STK39: variants seen among roughly 807,000 people sequenced by gnomAD.
The protein encoded by STK39 is serine/threonine kinase 39, also known as STE20/SPS1-related proline-alanine-rich protein kinase.
In STK39, 20 loss-of-function variants were observed where a neutral mutation model predicts 77.8. That is an observed-to-expected ratio of 0.26 (90% CI 0.18 to 0.37). The LOEUF (loss-of-function observed/expected upper bound fraction) is 0.37. Among genes scored for constraint, STK39 ranks in the 10% least tolerant of loss-of-function variants. The pLI is 1.00. For missense variants in STK39, 479 were observed against 656.5 expected, an observed-to-expected ratio of 0.73 and a Z score of 2.95; for synonymous variants, 246 against 234.1, an observed-to-expected ratio of 1.05 and a Z score of -0.47.
chr2:167,959,866 G>A (rs1224339521), intron 17 of STK39, among the ~76,000 whole-genome samples: 1 of 152,012 alleles, frequency 6.6e-6, no homozygotes, highest in Non-Finnish European at 1.5e-5. Flanking sequence ...TACCCACCAC[G>A]GCTTTACACC....
intron 2 of STK39, among the ~76,000 whole-genome samples, chr2:168,178,450 A>C (rs1689006272): frequency 6.6e-6 from 1 of 152,236 alleles, no homozygotes; most frequent in East Asian, 1.9e-4. Flanking sequence ...GAGTGTTCTA[A>C]TCTAATTGCT....
intron 10 of STK39, among the ~76,000 whole-genome samples, chr2:168,104,934 C>G (rs1217374366): frequency 1.3e-5 from 2 of 152,154 alleles, no homozygotes; most frequent in East Asian, 3.8e-4. Context: ...TATAGTATAT[C>G]CTACCCAGTA....
intron 16 of STK39, among the ~76,000 whole-genome samples, chr2:168,009,216 G>T (rs767281836): frequency 7.2e-5 from 11 of 152,034 alleles, no homozygotes; most frequent in Non-Finnish European, 1.5e-4. Flanking sequence ...GAAGATAAGA[G>T]AAATAAAAAC....
intron 16 of STK39, among the ~76,000 whole-genome samples, chr2:167,972,696 C>A (rs146921543): frequency 6.6e-6 from 1 of 152,146 alleles, no homozygotes; most frequent in South Asian, 2.1e-4. Flanking sequence ...TGTAAAAAGG[C>A]GCTATAGTTG....
intron 4 of STK39, among the ~76,000 whole-genome samples, chr2:168,162,286 CAAAAAAAAAAAAAAAAAA>C (rs5836174): frequency 3.5e-5 from 3 of 85,696 alleles, no homozygotes; most frequent in Non-Finnish European, 7.2e-5. Flanking sequence ...AACTTGGTCT[CAAAAAAAAAAAAAAAAAA>C]AAAAAAAAGG....
intron 1 of STK39, among the ~76,000 whole-genome samples, chr2:168,234,015 T>C (rs1323132136): frequency 2.6e-5 from 4 of 152,218 alleles, no homozygotes; most frequent in Non-Finnish European, 5.9e-5. Flanking sequence ...AGAATACTCT[T>C]CTTCTGAAGA....
At chr2:168,058,917 C>T (rs1221031417) in intron 14 of STK39, among the ~76,000 whole-genome samples, 1 of 152,204 alleles carries the variant, frequency 6.6e-6, no homozygotes, top group Non-Finnish European at 1.5e-5. Context: ...TGCTCACAGG[C>T]CTCCTGGTTT....
At chr2:168,200,929 T>C (rs1260839759) in intron 1 of STK39, among the ~76,000 whole-genome samples, 1 of 152,196 alleles carries the variant, frequency 6.6e-6, no homozygotes, top group East Asian at 1.9e-4. Flanking sequence ...TTAACTCAGG[T>C]ACATTAAGAC....
intron 10 of STK39, among the ~76,000 whole-genome samples, chr2:168,106,922 G>A (rs1441902861): frequency 6.6e-6 from 1 of 151,960 alleles, no homozygotes; most frequent in Non-Finnish European, 1.5e-5. Context: ...AGAACTACAG[G>A]GAATACATAA....
chr2:168,088,376 T>C (rs1686427005), intron 10 of STK39, among the ~76,000 whole-genome samples: 1 of 152,130 alleles, frequency 6.6e-6, no homozygotes, highest in Non-Finnish European at 1.5e-5. Flanking sequence ...CAATTTTCAG[T>C]GTGGTCTCTA....
At chr2:168,094,394 T>A (rs1686607254) in intron 10 of STK39, among the ~76,000 whole-genome samples, 1 of 152,136 alleles carries the variant, frequency 6.6e-6, no homozygotes, top group African/African-American at 2.4e-5. Flanking sequence ...TAGACACAGG[T>A]CTCCACTGAC....
intron 16 of STK39, among the ~76,000 whole-genome samples, chr2:167,982,152 G>A (rs1683436271): frequency 6.6e-6 from 1 of 152,138 alleles, no homozygotes; most frequent in South Asian, 2.1e-4. Context: ...GAACATTCTT[G>A]TTATAGGCGT....
In STK39 at chr2:168,072,964, T is replaced by A. The variant is rs142751763; in HGVS notation, c.1242+2018A>T. Among the ~76,000 whole-genome samples the A allele has an allele frequency of 2.0e-3, 305 of 152,352 alleles. 2 individuals carry two copies. The highest frequency in any genetic ancestry group is 5.9e-3 in the African/African-American group (244 of 41,584). Reference sequence around the variant, plus strand: ...GGAAGTGTTTACATGCAAACACATGTATCCTTTCACAGAAATAAGAGTTCT... The same window carrying A: ...GGAAGTGTTTACATGCAAACACATGAATCCTTTCACAGAAATAAGAGTTCT... On this transcript the variant is annotated intron_variant, in intron 12 of 17. Coordinates refer to ENST00000355999, the MANE Select transcript of STK39 (RefSeq NM_013233.3).
At chr2:168,023,858 T>C (rs946078927) in intron 14 of STK39, among the ~76,000 whole-genome samples, 2 of 152,082 alleles carry the variant, frequency 1.3e-5, no homozygotes, top group Non-Finnish European at 2.9e-5. Flanking sequence ...GTGCCAGGGA[T>C]AGTGTTTCCC....
intron 1 of STK39, among the ~76,000 whole-genome samples, chr2:168,226,887 A>C (rs1318464921): frequency 6.6e-6 from 1 of 152,246 alleles, no homozygotes; most frequent in African/African-American, 2.4e-5. Context: ...ACTTGGAAAC[A>C]ATCAATAAGT....
intron 10 of STK39, among the ~76,000 whole-genome samples, chr2:168,100,415 CATTT>C (rs745693395): frequency 1.5e-4 from 23 of 152,070 alleles, no homozygotes; most frequent in Admixed American, 5.9e-4. Context: ...TCAGTGTCTT[CATTT>C]ATTTATTTAT....
At chr2:168,220,863 G>C (rs1431909701) in intron 1 of STK39, among the ~76,000 whole-genome samples, 1 of 152,122 alleles carries the variant, frequency 6.6e-6, no homozygotes. Context: ...TTAAATCTAG[G>C]CTGCATTGCA....
At chr2:168,091,371 T>C (rs549005154) in intron 10 of STK39, among the ~76,000 whole-genome samples, 1 of 152,198 alleles carries the variant, frequency 6.6e-6, no homozygotes, top group Non-Finnish European at 1.5e-5. Flanking sequence ...CTCATGTCTC[T>C]CTCATTCAAA....
intron 1 of STK39, among the ~76,000 whole-genome samples, chr2:168,229,867 T>C (rs907093147): frequency 2.0e-5 from 3 of 152,122 alleles, no homozygotes; most frequent in Non-Finnish European, 2.9e-5. Context: ...CCTTCAAATA[T>C]CACATTGGAA....
Sources: allele counts gnomAD v4.1 joint callset (sites outside exome capture counted in the v4.1 genomes callset), GRCh38; gene constraint gnomAD v4.1.1; transcripts MANE v1.5; gene names NCBI Gene and HGNC (gene_info 2026-07-23, HGNC 2026-07-21).